The following FGL1 variants were observed in gnomAD, a reference collection of about 807,000 sequenced individuals.
The protein encoded by FGL1 is fibrinogen like 1.
A neutral mutation model predicts 43.7 loss-of-function variants in FGL1; 59 were observed. The observed-to-expected ratio is 1.35, with a 90% CI of 1.10 to 1.68. The LOEUF (loss-of-function observed/expected upper bound fraction) is 1.68. Ranked by LOEUF, FGL1 falls within the 40% of genes most tolerant of loss-of-function variation. The probability of loss-of-function intolerance (pLI) is 0.00; values close to 1 mark genes in which losing one functional copy is unlikely to be tolerated. For missense variants in FGL1, 596 were observed against 373.0 expected (o/e 1.60, Z -4.92); for synonymous variants, 192 against 126.5 (o/e 1.52, Z -3.48).
intron 2 of FGL1, 41 bp downstream of exon 2, chr8:17,885,451 A>T: frequency 6.8e-7 from 1 of 1,469,250 alleles, no homozygotes; most frequent in Non-Finnish European, 9.4e-7. Context: ...AGATAAAAGC[A>T]GGCATTATAA....
chr8:17,875,581 C>A lies in FGL1; in HGVS notation c.245-1060G>T, dbSNP rs1418789917. Among the ~76,000 whole-genome samples the A allele has an allele frequency of 3.3e-3, 74 of 22,592 alleles. 5 individuals carry two copies. Among genetic ancestry groups the A allele is most frequent in the African/African-American group, 7.1e-3 (70 of 9,852 alleles). 14.8% of individuals were successfully genotyped at this position (22,592 alleles called of 152,430 possible). ...TCTTTCTTTCTTTCTTTCTTTCTTT[C>A]TTTCTTTCTTTCTTTCTTTCTTTCT... On this transcript the variant is annotated intron_variant, in intron 3 of 7. Coordinates refer to ENST00000427924, the MANE Select transcript of FGL1 (RefSeq NM_004467.4).
intron 2 of FGL1, among the ~76,000 whole-genome samples, chr8:17,883,256 T>G (rs28970482): frequency 0.042 from 708 of 16,754 alleles, 50 homozygotes; most frequent in Non-Finnish European, 0.072. Flanking sequence ...ATAATATATA[T>G]CATATATAAT....
rs564885693 is a variant in FGL1 at position 17,882,385 on chromosome 8, A to G, written c.64-206T>C. ...TTATGGCTTATGCGAAAACTCCTGG[A>G]CTCAAAAGATCAAATAATATAAAAT... On this transcript the variant is annotated intron_variant, in intron 2 of 7. Coordinates refer to ENST00000427924, the MANE Select transcript of FGL1 (RefSeq NM_004467.4). 22 of 457,238 alleles carry G rather than the reference A, an allele frequency of 4.8e-5. No homozygotes were observed. The South Asian group carries it at 7.2e-4, about 15-fold the overall frequency. The allele number at this position is 457,238 out of a possible 1,614,324, so 28.3% of individuals were successfully genotyped here.
At chr8:17,875,361 G>GT (rs1269902624) in intron 3 of FGL1, among the ~76,000 whole-genome samples, 1 of 152,028 alleles carries the variant, frequency 6.6e-6, no homozygotes, top group Non-Finnish European at 1.5e-5. Context: ...ATTCTTAGAT[G>GT]TTTTTGCTAA....
chr8:17,869,276 A>G (rs1163686689), intron 5 of FGL1, among the ~76,000 whole-genome samples: 1 of 151,286 alleles, frequency 6.6e-6, no homozygotes, highest in Non-Finnish European at 1.5e-5. Flanking sequence ...TCACTGAATA[A>G]TGAACAACAG....
intron 7 of FGL1, among the ~76,000 whole-genome samples, chr8:17,865,531 A>AT (rs1356741846): frequency 6.6e-6 from 1 of 151,924 alleles, no homozygotes; most frequent in Non-Finnish European, 1.5e-5. Context: ...ACCAATAATC[A>AT]TTTTTTCCTA....
At chr8:17,880,934 A>G (rs574934661) in intron 3 of FGL1, among the ~76,000 whole-genome samples, 35 of 152,304 alleles carry the variant, frequency 2.3e-4, no homozygotes, top group South Asian at 1.0e-3. Flanking sequence ...CAGAAAATAT[A>G]CATATAAAAA....
chr8:17,872,660 G>A (rs532632697), intron 5 of FGL1, among the ~76,000 whole-genome samples: 1 of 152,220 alleles, frequency 6.6e-6, no homozygotes, highest in South Asian at 2.1e-4. Context: ...CATTACAGTT[G>A]CCTTTTATGA....
chr8:17,884,133 A>T (rs1214849757), intron 2 of FGL1, among the ~76,000 whole-genome samples: 1 of 116,070 alleles, frequency 8.6e-6, no homozygotes, highest in South Asian at 2.7e-4. Context: ...CTTTCTTCCC[A>T]TCCCTAGGTC....
At chr8:17,875,559 T>TC (rs2053441316) in intron 3 of FGL1, among the ~76,000 whole-genome samples, 1 of 18,804 alleles carries the variant, frequency 5.3e-5, no homozygotes, top group Non-Finnish European at 2.1e-4. Context: ...CTTTCTTTCT[T>TC]TCTTTCTTTC....
In FGL1 at chr8:17,874,524, G is replaced by GT; in HGVS notation, c.245-4dup. The GT allele has an allele frequency of 6.2e-7, 1 of 1,600,292 alleles. No homozygotes were observed. Among genetic ancestry groups the GT allele is most frequent in the Non-Finnish European group, 8.5e-7 (1 of 1,172,514 alleles). The stretch of plus-strand genomic sequence containing the variant: ...ATCATTGAAAATCTCTGAACAATCT[G>GT]TTTTTAAAACAAGGTAATGTAACAT... On this transcript the variant is annotated splice_polypyrimidine_tract_variant and splice_region_variant and intron_variant, in intron 3 of 7. Coordinates refer to ENST00000427924, the MANE Select transcript of FGL1 (RefSeq NM_004467.4).
At chr8:17,895,413 C>A (rs1360742955) in intron 1 of FGL1, 34 bp downstream of exon 1, 3 of 1,275,002 alleles carry the variant, frequency 2.4e-6, no homozygotes, top group Non-Finnish European at 3.1e-6. Flanking sequence ...TTATTACAAG[C>A]ATGTCAAAAA....
chr8:17,878,161 A>G (rs2053484608), intron 3 of FGL1, among the ~76,000 whole-genome samples: 1 of 152,170 alleles, frequency 6.6e-6, no homozygotes, highest in African/African-American at 2.4e-5. Context: ...TATGTTGCCC[A>G]GGCTGTTCTT....
chr8:17,885,754 A>C, intron 1 of FGL1, 183 bp from the exon 2 acceptor site: 1 of 542,160 alleles, frequency 1.8e-6, no homozygotes, highest in East Asian at 3.0e-5. Flanking sequence ...ACTGAGTGTT[A>C]ACTAGAATTG....
intron 7 of FGL1, among the ~76,000 whole-genome samples, chr8:17,867,839 G>T (rs911504925): frequency 6.6e-6 from 1 of 152,206 alleles, no homozygotes; most frequent in Non-Finnish European, 1.5e-5. Flanking sequence ...GGAGGCCGGG[G>T]TAGGTGGATC....
At chr8:17,874,593 A>G in intron 3 of FGL1, 72 bp from the exon 4 acceptor site, 1 of 1,220,314 alleles carries the variant, frequency 8.2e-7, no homozygotes, top group Non-Finnish European at 1.2e-6. Context: ...GAGCCTCTGA[A>G]TGAGACTACT....
intron 3 of FGL1, among the ~76,000 whole-genome samples, chr8:17,881,385 T>C (rs1162051420): frequency 6.6e-6 from 1 of 151,772 alleles, no homozygotes; most frequent in African/African-American, 2.4e-5. Flanking sequence ...TCCGCCCACC[T>C]AGGCCTCCCA....
At chr8:17,871,695 A>G (rs1018555416) in intron 5 of FGL1, among the ~76,000 whole-genome samples, 5 of 152,156 alleles carry the variant, frequency 3.3e-5, no homozygotes, top group Admixed American at 2.6e-4. Context: ...TTAATTCATT[A>G]GCCGTAATGC....
At chr8:17,869,710 T>TC (rs1415414519) in intron 5 of FGL1, among the ~76,000 whole-genome samples, 1 of 152,130 alleles carries the variant, frequency 6.6e-6, no homozygotes, top group Non-Finnish European at 1.5e-5. Flanking sequence ...CCACCAACAT[T>TC]CTCAATGGCA....
Sources: gnomAD v4.1 joint callset for allele counts (sites outside exome capture counted in the v4.1 genomes callset) on GRCh38, gnomAD v4.1.1 for gene constraint, MANE v1.5 for transcripts, NCBI Gene and HGNC (gene_info 2026-07-23, HGNC 2026-07-21) for gene names.